The following SPATA22 variants were observed in gnomAD, a reference collection of about 807,000 sequenced individuals.
SPATA22 encodes spermatogenesis-associated protein 22.
Under a neutral mutation model 47.8 loss-of-function variants are expected in SPATA22, and 29 were observed. The observed-to-expected ratio is 0.61, with a 90% CI of 0.45 to 0.83. The LOEUF is 0.83. Among genes scored for constraint, SPATA22 ranks in the 40% least tolerant of loss-of-function variants. SPATA22 has a pLI of 0.00. For missense variants in SPATA22, 410 were observed against 421.7 expected, an observed-to-expected ratio of 0.97 and a Z score of 0.24; for synonymous variants, 133 against 140.9, an observed-to-expected ratio of 0.94 and a Z score of 0.40.
chr17:3,447,158 A>C (rs1280432362), intron 6 of SPATA22, among the ~76,000 whole-genome samples: 1 of 152,174 alleles, frequency 6.6e-6, no homozygotes, highest in Admixed American at 6.6e-5. Context: ...TAGGAAAAAA[A>C]CACACAAGGT....
intron 1 of SPATA22, chr17:3,512,251 C>T (rs1030433803): frequency 6.6e-6 from 1 of 152,306 alleles, no homozygotes; most frequent in African/African-American, 2.4e-5. Flanking sequence ...CCAGCCCCGA[C>T]CACTGTGGCT....
chr17:3,486,871 A>G (rs2073731814), intron 1 of SPATA22, among the ~76,000 whole-genome samples: 1 of 152,196 alleles, frequency 6.6e-6, no homozygotes, highest in Non-Finnish European at 1.5e-5. Flanking sequence ...TTTCGATACA[A>G]GATCTCATAT....
chr17:3,443,372 C>G (rs776961815), intron 7 of SPATA22, 101 bp from the exon 8 acceptor site: 127 of 720,846 alleles, frequency 1.8e-4, no homozygotes, highest in Non-Finnish European at 2.7e-4. Context: ...ATATCAACCT[C>G]TCATAGTGCT....
intron 5 of SPATA22, among the ~76,000 whole-genome samples, chr17:3,451,352 A>G (rs1009600274): frequency 3.3e-5 from 5 of 152,180 alleles, no homozygotes; most frequent in Admixed American, 3.3e-4. Context: ...TGACAGCAAC[A>G]TAATAAAAAA....
chr17:3,480,496 G>C (rs1218502486), intron 1 of SPATA22, among the ~76,000 whole-genome samples: 1 of 150,952 alleles, frequency 6.6e-6, no homozygotes, highest in Non-Finnish European at 1.5e-5. Context: ...GACCAGATAA[G>C]CCAGTTTATC....
intron 1 of SPATA22, among the ~76,000 whole-genome samples, chr17:3,492,739 G>C (rs2073845667): frequency 6.6e-6 from 1 of 152,162 alleles, no homozygotes; most frequent in Non-Finnish European, 1.5e-5. Flanking sequence ...AACAGACAGA[G>C]TCATGCAACT....
At chr17:3,452,642 C>T (rs528766407) in intron 5 of SPATA22, among the ~76,000 whole-genome samples, 3 of 151,330 alleles carry the variant, frequency 2.0e-5, no homozygotes, top group South Asian at 2.1e-4. Context: ...AAGATAAAGT[C>T]GACAGCCCCT....
At chr17:3,498,463 T>G (rs1463552703) in intron 1 of SPATA22, among the ~76,000 whole-genome samples, 5 of 152,074 alleles carry the variant, frequency 3.3e-5, no homozygotes, top group African/African-American at 1.2e-4. Context: ...TCCTCCCACC[T>G]CAGCCTCCTG....
chr17:3,475,967 T>C, upstream of SPATA22: 1 of 606,404 alleles, frequency 1.6e-6, no homozygotes, highest in South Asian at 2.0e-5. Flanking sequence ...AGGGCAGGGC[T>C]AAAGAAGGGA....
Position 3,462,767 on chromosome 17 carries a change from T to A in SPATA22, c.173A>T (p.Asp58Val). The change falls in exon 4 of 9, where the codon GAT (aspartate) becomes GTT (valine). Residue 58 changes from aspartate to valine, a missense_variant and splice_region_variant. Transcript: ENST00000572969. Reference protein sequence around the residue: ...DNYDFPPLPTDWAWEAVNPEL... With the variant: ...DNYDFPPLPTVWAWEAVNPEL... ...TGGATTCACAGCTTCCCAGGCCCAA[T>A]CTCAAAAGATATAAGTAACATAGAT... The A allele has an allele frequency of 6.2e-7, 1 of 1,607,872 alleles. No homozygotes were observed. Among genetic ancestry groups the A allele is most frequent in the East Asian group, 2.2e-5 (1 of 44,842 alleles).
intron 1 of SPATA22, chr17:3,471,368 A>G (rs2073430470): frequency 8.4e-6 from 8 of 950,954 alleles, no homozygotes; most frequent in Non-Finnish European, 1.0e-5. Context: ...CAACAACAAA[A>G]TTTTTAAGTG....
At chr17:3,447,632 G>T (rs1837749831) in intron 6 of SPATA22, among the ~76,000 whole-genome samples, 1 of 152,110 alleles carries the variant, frequency 6.6e-6, no homozygotes, top group African/African-American at 2.4e-5. Flanking sequence ...TGCTTTTTCA[G>T]ACATAAGGGC....
chr17:3,462,732 G>A lies in SPATA22; in HGVS notation c.208C>T (p.Pro70Ser). Reference protein sequence around the residue: ...AWEAVNPELAPVMKTVDTGQI... With the variant: ...AWEAVNPELASVMKTVDTGQI... ...CCGGTGTCCACTGTTTTCATTACAG[G>A]AGCCAACTCTGGATTCACAGCTTCC... The change falls in exon 4 of 9, where the codon CCT becomes TCT. Residue 70 changes from proline (P) to serine (S), a missense_variant. Transcript: ENST00000572969. 6.2e-7 allele frequency: 1 copy of A among 1,613,614 alleles called. No homozygotes were observed. The highest frequency in any genetic ancestry group is 8.5e-7 in the Non-Finnish European group (1 of 1,179,590).
chr17:3,487,143 G>T (rs2073738935), intron 1 of SPATA22, among the ~76,000 whole-genome samples: 1 of 152,060 alleles, frequency 6.6e-6, no homozygotes, highest in South Asian at 2.1e-4. Context: ...TGCCTAGAAT[G>T]ATCCTGTCAC....
At chr17:3,448,472 G>A (rs567317195) in intron 6 of SPATA22, among the ~76,000 whole-genome samples, 1 of 152,228 alleles carries the variant, frequency 6.6e-6, no homozygotes, top group South Asian at 2.1e-4. Flanking sequence ...GCTGACCTCT[G>A]TTGAAAAATA....
At chr17:3,464,741 C>A (rs1292877579) in intron 3 of SPATA22, among the ~76,000 whole-genome samples, 3 of 134,360 alleles carry the variant, frequency 2.2e-5, no homozygotes, top group Admixed American at 1.5e-4. Context: ...ACCCTCCGCC[C>A]GGCAACCGCC....
chr17:3,483,564 C>T lies in SPATA22; in HGVS notation c.-73-14166G>A, dbSNP rs1291929523. 8 of 1,613,988 alleles carry T rather than the reference C, an allele frequency of 5.0e-6. 1 individual carries two copies. The Admixed American group carries it at 8.3e-5, about 17-fold the overall frequency. On this transcript the variant is annotated intron_variant, in intron 1 of 8. Coordinates refer to the SPATA22 transcript ENST00000541913. ...AGCATCCTTCCCTCAAATATGCGAC[C>T]ACTCGTTCCATAGCCAAGTATCCTG...
At chr17:3,482,916 A>G (rs933699071) in intron 1 of SPATA22, among the ~76,000 whole-genome samples, 4 of 148,006 alleles carry the variant, frequency 2.7e-5, no homozygotes, top group Non-Finnish European at 6.0e-5. Flanking sequence ...CATTAGGTAT[A>G]TCTCCTAATG....
chr17:3,446,642 G>GT, intron 6 of SPATA22, 41 bp from the exon 7 acceptor site: 3 of 1,416,204 alleles, frequency 2.1e-6, no homozygotes, highest in Non-Finnish European at 2.8e-6. Context: ...AAAAATATTT[G>GT]TTTTTTTCAT....
Sources: allele counts gnomAD v4.1 joint callset (sites outside exome capture counted in the v4.1 genomes callset), GRCh38; gene constraint gnomAD v4.1.1; transcripts MANE v1.5; gene names NCBI Gene and HGNC (gene_info 2026-07-23, HGNC 2026-07-21).